SNAP29: variants seen among roughly 807,000 people sequenced by gnomAD.
SNAP29 encodes the protein synaptosome associated protein 29, also known as synaptosomal-associated protein 29.
A neutral mutation model predicts 27.9 loss-of-function variants in SNAP29; 13 were observed. That is an observed-to-expected ratio of 0.47 (90% CI 0.30 to 0.74). The LOEUF (loss-of-function observed/expected upper bound fraction) is 0.74. Ranked by LOEUF, SNAP29 falls within the 30% of genes least tolerant of loss-of-function variation. The probability of loss-of-function intolerance (pLI) is 0.06; values close to 1 mark genes in which losing one functional copy is unlikely to be tolerated. For missense variants in SNAP29, 368 were observed against 336.5 expected (o/e 1.09, Z -0.73); for synonymous variants, 119 against 127.1 (o/e 0.94, Z 0.43).
intron 1 of SNAP29, among the ~76,000 whole-genome samples, chr22:20,863,286 C>T (rs1928375054): frequency 6.9e-6 from 1 of 145,676 alleles, no homozygotes; most frequent in African/African-American, 2.6e-5. Context: ...CAAATTCCAG[C>T]ATACCCTGCT....
chr22:20,875,803 A>T (rs1341506904), intron 2 of SNAP29, among the ~76,000 whole-genome samples: 1 of 152,026 alleles, frequency 6.6e-6, no homozygotes, highest in East Asian at 1.9e-4. Flanking sequence ...AACATAAAAA[A>T]TTTTTAAAGC....
rs183322657 is a variant in SNAP29 at position 20,865,447 on chromosome 22, G to A, written c.238-4890G>A. Among the ~76,000 whole-genome samples, 122 of 152,210 alleles carry A rather than the reference G, an allele frequency of 8.0e-4. 3 individuals carry two copies. Among genetic ancestry groups the A allele is most frequent in the South Asian group, 7.7e-3 (37 of 4,810 alleles). ...CCTTCTGAGGATGGGCTGGTTGTTC[G>A]AGCTTCTGGCTTCTCCTTCCTGGGC... is the stretch of plus-strand genomic sequence containing the variant. On this transcript the variant is annotated intron_variant, in intron 1 of 4. Transcript: ENST00000215730.
At chr22:20,861,970 A>G (rs1343266934) in intron 1 of SNAP29, among the ~76,000 whole-genome samples, 1 of 152,140 alleles carries the variant, frequency 6.6e-6, no homozygotes, top group Non-Finnish European at 1.5e-5. Flanking sequence ...AGGTTTCGCC[A>G]TGTTGGGCAG....
chr22:20,878,816 C>G (rs1159746454), intron 2 of SNAP29, among the ~76,000 whole-genome samples: 1 of 152,078 alleles, frequency 6.6e-6, no homozygotes, highest in Non-Finnish European at 1.5e-5. Flanking sequence ...CCTGCCATAC[C>G]TTAGGGGGCT....
intron 1 of SNAP29, among the ~76,000 whole-genome samples, chr22:20,869,276 T>C (rs165642): frequency 0.49 from 73,896 of 151,658 alleles, 18,468 homozygotes; most frequent in African/African-American, 0.58. Context: ...GAAAAGGAGG[T>C]GGAGAAGAGG....
intron 4 of SNAP29, among the ~76,000 whole-genome samples, chr22:20,887,453 A>C (rs191261132): frequency 6.6e-6 from 1 of 151,964 alleles, no homozygotes; most frequent in Non-Finnish European, 1.5e-5. Context: ...CAGCGTGCAC[A>C]AACACACACA....
At chr22:20,873,415 C>T (rs1928644402) in intron 2 of SNAP29, among the ~76,000 whole-genome samples, 1 of 152,012 alleles carries the variant, frequency 6.6e-6, no homozygotes, top group African/African-American at 2.4e-5. Flanking sequence ...TGGCCACCAC[C>T]CAGATCAAGA....
intron 2 of SNAP29, among the ~76,000 whole-genome samples, chr22:20,876,908 C>A (rs1281619688): frequency 6.6e-6 from 1 of 152,178 alleles, no homozygotes; most frequent in Non-Finnish European, 1.5e-5. Flanking sequence ...CACACAAACC[C>A]TTCGGCCTTC....
chr22:20,884,330 C>G (rs1928963558), intron 4 of SNAP29, among the ~76,000 whole-genome samples: 1 of 146,806 alleles, frequency 6.8e-6, no homozygotes, highest in South Asian at 2.2e-4. Context: ...GAAACTCCAC[C>G]TAAAAAAAAA....
At chr22:20,878,902 A>G (rs1332775558) in intron 2 of SNAP29, among the ~76,000 whole-genome samples, 4 of 152,236 alleles carry the variant, frequency 2.6e-5, no homozygotes, top group African/African-American at 9.6e-5. Flanking sequence ...ATCCCTGTCT[A>G]CAGCCAGAGT....
chr22:20,879,298 C>T (rs1928828806), intron 2 of SNAP29, among the ~76,000 whole-genome samples: 1 of 147,732 alleles, frequency 6.8e-6, no homozygotes, highest in South Asian at 2.1e-4. Context: ...CAGAGTGAGA[C>T]TCCATCTCAA....
chr22:20,874,737 C>T (rs1244097715), intron 2 of SNAP29, among the ~76,000 whole-genome samples: 1 of 151,898 alleles, frequency 6.6e-6, no homozygotes, highest in East Asian at 1.9e-4. Context: ...TCCAGCTCAA[C>T]CCTAATTTTA....
chr22:20,864,674 C>T (rs879890630), intron 1 of SNAP29, among the ~76,000 whole-genome samples: 32 of 152,208 alleles, frequency 2.1e-4, no homozygotes, highest in African/African-American at 7.7e-4. Flanking sequence ...TTGTAAATGT[C>T]AGCAGTGGAA....
chr22:20,866,424 C>T (rs1467119718), intron 1 of SNAP29, among the ~76,000 whole-genome samples: 1 of 152,242 alleles, frequency 6.6e-6, no homozygotes, highest in African/African-American at 2.4e-5. Context: ...AGCTCACTGA[C>T]TCCAGATTGG....
intron 2 of SNAP29, among the ~76,000 whole-genome samples, chr22:20,871,759 G>A (rs1347431018): frequency 7.9e-5 from 12 of 152,042 alleles, no homozygotes; most frequent in Non-Finnish European, 1.5e-4. Context: ...GCGGGCGCCC[G>A]TAGTCCCAGC....
chr22:20,867,027 T>C (rs1335377045), intron 1 of SNAP29, among the ~76,000 whole-genome samples: 2 of 152,200 alleles, frequency 1.3e-5, no homozygotes, highest in African/African-American at 2.4e-5. Flanking sequence ...AGCATTGCAA[T>C]GTTGTCAACA....
intron 2 of SNAP29, among the ~76,000 whole-genome samples, chr22:20,878,137 G>C (rs543094046): frequency 6.6e-6 from 1 of 152,212 alleles, no homozygotes; most frequent in Non-Finnish European, 1.5e-5. Context: ...TAACTGAAGA[G>C]GTGCTTGCCA....
At chr22:20,873,393 TG>T (rs1238478106) in intron 2 of SNAP29, among the ~76,000 whole-genome samples, 3 of 152,002 alleles carry the variant, frequency 2.0e-5, no homozygotes, top group Non-Finnish European at 4.4e-5. Context: ...TGTGAACCTG[TG>T]TACACTAGTG....
intron 2 of SNAP29, among the ~76,000 whole-genome samples, chr22:20,880,005 C>G (rs1321235517): frequency 8.1e-6 from 1 of 123,120 alleles, no homozygotes; most frequent in Non-Finnish European, 1.7e-5. Flanking sequence ...AGAGAGAGAC[C>G]CTATCTCAAA....
Sources: allele counts gnomAD v4.1 joint callset (sites outside exome capture counted in the v4.1 genomes callset), GRCh38; gene constraint gnomAD v4.1.1; transcripts MANE v1.5; gene names NCBI Gene and HGNC (gene_info 2026-07-23, HGNC 2026-07-21).